FNBP1L: variants seen among roughly 807,000 people sequenced by gnomAD.
FNBP1L encodes the protein formin binding protein 1 like.
Under a neutral mutation model 91.2 loss-of-function variants are expected in FNBP1L, and 36 were observed. The observed-to-expected ratio is 0.39, with a 90% confidence interval of 0.30 to 0.52. The LOEUF is 0.52. FNBP1L is among the 20% of genes least tolerant of loss of function. FNBP1L has a pLI of 0.66. For synonymous variants in FNBP1L, 242 were observed against 237.0 expected (o/e 1.02, Z -0.19); for missense variants, 571 against 732.1 (o/e 0.78, Z 2.54).
At chr1:93,477,953 T>C (rs1669554549) in intron 1 of FNBP1L, among the ~76,000 whole-genome samples, 1 of 152,054 alleles carries the variant, frequency 6.6e-6, no homozygotes, top group South Asian at 2.1e-4. Context: ...AGACACAGAC[T>C]AATTCTGTGT....
chr1:93,541,419 G>A (rs1015109157), intron 11 of FNBP1L, among the ~76,000 whole-genome samples: 1 of 152,038 alleles, frequency 6.6e-6, no homozygotes, highest in South Asian at 2.1e-4. Context: ...TTAAAAAATC[G>A]TATAAATTTG....
chr1:93,456,820 G>A (rs1668684798), intron 1 of FNBP1L, among the ~76,000 whole-genome samples: 2 of 151,940 alleles, frequency 1.3e-5, no homozygotes, highest in African/African-American at 4.8e-5. Context: ...TATTTACAGG[G>A]GATGACAAGC....
intron 1 of FNBP1L, among the ~76,000 whole-genome samples, chr1:93,486,138 G>A (rs1669890074): frequency 6.6e-6 from 1 of 152,178 alleles, no homozygotes; most frequent in Non-Finnish European, 1.5e-5. Flanking sequence ...AATTACAAAT[G>A]GATTCTGTAC....
intron 1 of FNBP1L, among the ~76,000 whole-genome samples, chr1:93,459,941 A>ATGTGTGCGTGTGTG (rs1668804776): frequency 7.0e-6 from 1 of 142,168 alleles, no homozygotes; most frequent in Non-Finnish European, 1.5e-5. Context: ...TGGATTTCAG[A>ATGTGTGCGTGTGTG]TGTGTGTGTG....
At chr1:93,551,857 A>G (rs1672426638) in intron 16 of FNBP1L, 3 of 985,370 alleles carry the variant, frequency 3.0e-6, no homozygotes, top group Non-Finnish European at 3.6e-6. Flanking sequence ...ATACTTTTGT[A>G]TGTTTCATCT....
In FNBP1L at chr1:93,501,781, C is replaced by A. The variant is rs566990112; in HGVS notation, c.140+2198C>A. Among the ~76,000 whole-genome samples, 24 of 152,222 alleles carry A rather than the reference C, an allele frequency of 1.6e-4. No homozygotes were observed. In the South Asian group the frequency reaches 2.1e-3, roughly 13 times the overall value. On this transcript the variant is annotated intron_variant, in intron 2 of 16. Transcript: ENST00000271234. Reference sequence around the variant, plus strand: ...ACTGGTAAGAATGATCCTGCACCTTCAAGAAAATAATCAGATTATTTTAAA... The same window carrying A: ...ACTGGTAAGAATGATCCTGCACCTTAAAGAAAATAATCAGATTATTTTAAA...
chr1:93,547,111 G>A (rs921039608), intron 13 of FNBP1L, 137 bp downstream of exon 13: 2 of 1,098,418 alleles, frequency 1.8e-6, no homozygotes, highest in Middle Eastern at 2.8e-4. Flanking sequence ...TTATTGTGAT[G>A]TGTGTTATTT....
chr1:93,514,571 T>A (rs1443141225), intron 2 of FNBP1L, among the ~76,000 whole-genome samples: 2 of 152,098 alleles, frequency 1.3e-5, no homozygotes, highest in African/African-American at 4.8e-5. Context: ...AACACAGAGA[T>A]GTAGATCAAT....
At chr1:93,527,107 A>G (rs1671519117) in intron 5 of FNBP1L, among the ~76,000 whole-genome samples, 1 of 152,228 alleles carries the variant, frequency 6.6e-6, no homozygotes, top group South Asian at 2.1e-4. Flanking sequence ...CTACATTTAA[A>G]TAAATTTGAA....
chr1:93,449,780 C>T (rs976922274), intron 1 of FNBP1L, among the ~76,000 whole-genome samples: 2 of 152,248 alleles, frequency 1.3e-5, no homozygotes, highest in Non-Finnish European at 2.9e-5. Context: ...AATTCTTTTA[C>T]ATTGGTTAGT....
At chr1:93,483,025 C>A (rs3000674) in intron 1 of FNBP1L, among the ~76,000 whole-genome samples, 137,399 of 144,086 alleles carry the variant, frequency 0.95, 65,442 homozygotes, top group Non-Finnish European at 0.98. Flanking sequence ...CTAAAAAAAA[C>A]AAAAAAAACA....
chr1:93,454,003 A>C (rs1275686825), intron 1 of FNBP1L, among the ~76,000 whole-genome samples: 1 of 152,218 alleles, frequency 6.6e-6, no homozygotes, highest in East Asian at 1.9e-4. Flanking sequence ...GAAAATCTTT[A>C]GGAAGACTGT....
chr1:93,512,519 G>C (rs1160958385), intron 2 of FNBP1L, among the ~76,000 whole-genome samples: 2 of 151,994 alleles, frequency 1.3e-5, no homozygotes, highest in Middle Eastern at 3.4e-3. Flanking sequence ...CACATACTTG[G>C]AAGTAAAGCT....
At chr1:93,509,747 G>A (rs1670755485) in intron 2 of FNBP1L, among the ~76,000 whole-genome samples, 1 of 152,196 alleles carries the variant, frequency 6.6e-6, no homozygotes, top group Non-Finnish European at 1.5e-5. Context: ...CAGGTCAGTG[G>A]GTGCACGCAC....
At chr1:93,493,094 T>G (rs1480810196) in intron 1 of FNBP1L, among the ~76,000 whole-genome samples, 1 of 152,124 alleles carries the variant, frequency 6.6e-6, no homozygotes, top group Non-Finnish European at 1.5e-5. Flanking sequence ...CAAAACCGTG[T>G]CTCTACTAAA....
chr1:93,468,414 C>T (rs1669166228), intron 1 of FNBP1L, among the ~76,000 whole-genome samples: 1 of 151,970 alleles, frequency 6.6e-6, no homozygotes, highest in South Asian at 2.1e-4. Context: ...GTGCTGTGAA[C>T]ATTAACGGAC....
chr1:93,513,357 C>T (rs1670935632), intron 2 of FNBP1L, among the ~76,000 whole-genome samples: 1 of 151,914 alleles, frequency 6.6e-6, no homozygotes, highest in Non-Finnish European at 1.5e-5. Flanking sequence ...GGAACTGGTC[C>T]CATTCCTTCT....
chr1:93,454,032 G>A (rs1157884217), intron 1 of FNBP1L, among the ~76,000 whole-genome samples: 1 of 152,158 alleles, frequency 6.6e-6, no homozygotes, highest in Non-Finnish European at 1.5e-5. Flanking sequence ...CTAGGTTTTG[G>A]AATAAGAAGG....
At chr1:93,506,422 A>G (rs888225158) in intron 2 of FNBP1L, among the ~76,000 whole-genome samples, 1 of 152,136 alleles carries the variant, frequency 6.6e-6, no homozygotes, top group Non-Finnish European at 1.5e-5. Context: ...ACTTTCAGAA[A>G]GGGATCTCGT....
Sources: allele counts gnomAD v4.1 joint callset (sites outside exome capture counted in the v4.1 genomes callset), GRCh38; gene constraint gnomAD v4.1.1; transcripts MANE v1.5; gene names NCBI Gene and HGNC (gene_info 2026-07-23, HGNC 2026-07-21).